Variants in PIK3C2G observed in about 807,000 individuals in gnomAD.
The protein encoded by PIK3C2G is phosphatidylinositol-4-phosphate 3-kinase catalytic subunit type 2 gamma, also known as phosphatidylinositol 3-kinase C2 domain-containing subunit gamma.
PIK3C2G carries 168 observed loss-of-function variants against 181.1 expected under a neutral mutation model. That is an observed-to-expected ratio of 0.93 (90% CI 0.82 to 1.05). PIK3C2G has a LOEUF of 1.05. Ranked by LOEUF, PIK3C2G falls within the 50% of genes least tolerant of loss-of-function variation. PIK3C2G has a pLI of 0.00. For missense variants in PIK3C2G, 1,869 were observed against 1,732.8 expected (o/e 1.08, Z -1.40); for synonymous variants, 573 against 592.2 (o/e 0.97, Z 0.47).
chr12:18,559,395 A>T (rs537753095), intron 26 of PIK3C2G, among the ~76,000 whole-genome samples: 5 of 152,168 alleles, frequency 3.3e-5, no homozygotes, highest in African/African-American at 9.6e-5. Context: ...GAGCATTTGG[A>T]CAGAAGGAAG....
intron 18 of PIK3C2G, among the ~76,000 whole-genome samples, chr12:18,445,201 T>C (rs1421841672): frequency 4.6e-5 from 7 of 152,096 alleles, no homozygotes; most frequent in African/African-American, 1.4e-4. Context: ...AAATACTTTT[T>C]AATAAATAGG....
intron 1 of PIK3C2G, among the ~76,000 whole-genome samples, chr12:18,264,931 G>A (rs1450198900): frequency 6.6e-6 from 1 of 152,040 alleles, no homozygotes; most frequent in South Asian, 2.1e-4. Flanking sequence ...AGCCTGCATG[G>A]GGCATCTGAA....
intron 16 of PIK3C2G, among the ~76,000 whole-genome samples, chr12:18,402,362 G>T (rs1461354421): frequency 6.6e-6 from 1 of 152,074 alleles, no homozygotes; most frequent in African/African-American, 2.4e-5. Flanking sequence ...CAGTAACCCA[G>T]AGCGAGGGCA....
At position 18,353,104 on chromosome 12, in the gene PIK3C2G, T is replaced by C. The variant is rs553441322; in HGVS notation, c.1625+6268T>C. Among the ~76,000 whole-genome samples, 602 of 152,264 alleles carry C rather than the reference T, an allele frequency of 4.0e-3. 1 individual carries two copies. Among genetic ancestry groups the C allele is most frequent in the African/African-American group, 0.014 (566 of 41,564 alleles). On this transcript the variant is annotated intron_variant, in intron 11 of 32. Transcript: ENST00000538779. ...TTTCCTGCCTCCTGTCCATATCACTTCCCTGCTCTGAAGAGGCACATCTTA... is the reference window on the plus strand; with the variant it reads ...TTTCCTGCCTCCTGTCCATATCACTCCCCTGCTCTGAAGAGGCACATCTTA...
At chr12:18,340,740 A>C (rs1939059097) in intron 9 of PIK3C2G, among the ~76,000 whole-genome samples, 1 of 152,182 alleles carries the variant, frequency 6.6e-6, no homozygotes, top group African/African-American at 2.4e-5. Context: ...CAGAAAAATA[A>C]AATAATTTCC....
rs144043026 is a variant in PIK3C2G, at chr12:18,642,406, A to C, written c.4308+1852A>C. The stretch of plus-strand genomic sequence containing the variant: ...TGAATTTCTTTTGCACGTTTGTCAA[A>C]AATCACTTGGGAATATTTGTGTTCT... On this transcript the variant is annotated intron_variant, in intron 32 of 32. Transcript: ENST00000538779. 3.7e-3 allele frequency among the ~76,000 whole-genome samples: 569 copies of C among 152,290 alleles called. 5 individuals carry two copies. Among genetic ancestry groups the C allele is most frequent in the African/African-American group, 0.013 (549 of 41,570 alleles).
the PIK3C2G span, chr12:18,683,360 C>A: frequency 6.3e-7 from 1 of 1,594,250 alleles, no homozygotes; most frequent in Admixed American, 1.7e-5. Flanking sequence ...GACCAATAAC[C>A]AATTAATCAG....
chr12:18,517,353 T>C (rs371818605), intron 24 of PIK3C2G, among the ~76,000 whole-genome samples: 2 of 152,230 alleles, frequency 1.3e-5, no homozygotes, highest in South Asian at 2.1e-4. Context: ...ATTGATTCTT[T>C]CTATCCATGA....
intron 31 of PIK3C2G, among the ~76,000 whole-genome samples, chr12:18,626,068 G>T (rs572826649): frequency 6.6e-6 from 1 of 150,482 alleles, no homozygotes; most frequent in African/African-American, 2.4e-5. Flanking sequence ...GTTACTAACT[G>T]TATTGTTTTA....
the PIK3C2G span, among the ~76,000 whole-genome samples, chr12:18,724,644 G>A: frequency 0.21 from 31,513 of 151,760 alleles, 3,513 homozygotes; most frequent in East Asian, 0.32. Context: ...TAATTCATGC[G>A]TATTGTTCAT....
intron 1 of PIK3C2G, among the ~76,000 whole-genome samples, chr12:18,252,222 C>A (rs1250633743): frequency 7.9e-5 from 12 of 152,080 alleles, no homozygotes; most frequent in Admixed American, 7.9e-4. Flanking sequence ...CGGTGCAAAT[C>A]CTTGACACAA....
intron 24 of PIK3C2G, among the ~76,000 whole-genome samples, chr12:18,510,782 A>G (rs1481705188): frequency 1.3e-5 from 2 of 152,188 alleles, no homozygotes; most frequent in East Asian, 3.8e-4. Context: ...TATGGGATAC[A>G]ATGTGACGAA....
At position 18,399,841 on chromosome 12, in the gene PIK3C2G, C is replaced by G. The variant is rs746323681; in HGVS notation, c.2309C>G (p.Thr770Ser). The G allele has an allele frequency of 6.4e-7, 1 of 1,569,642 alleles. No individual in the cohort carries two copies. Among genetic ancestry groups the G allele is most frequent in the South Asian group, 1.2e-5 (1 of 85,346 alleles). ...CCTTTAGAGGCTCTTGGGCTTTTGA[C>G]TTCCAGGTAAGAATTGCATAACAAG... ...SQPLEALGLLTSSFPDQEIRK... is the reference protein window; with the variant it reads ...SQPLEALGLLSSSFPDQEIRK... The change falls in exon 16 of 33, where the codon ACT becomes AGT. Residue 770 changes from threonine (T) to serine (S), a missense_variant. Coordinates refer to ENST00000538779, the MANE Select transcript of PIK3C2G (RefSeq NM_001288772.2).
chr12:18,712,580 T>C, the PIK3C2G span, among the ~76,000 whole-genome samples: 1 of 152,132 alleles, frequency 6.6e-6, no homozygotes, highest in Non-Finnish European at 1.5e-5. Flanking sequence ...ATAATAAATA[T>C]ATTTTACCTT....
chr12:18,575,717 G>A (rs1196355737), intron 29 of PIK3C2G, among the ~76,000 whole-genome samples: 3 of 152,112 alleles, frequency 2.0e-5, no homozygotes, highest in African/African-American at 7.2e-5. Flanking sequence ...ACTGGAAATC[G>A]GGAAAAGTCG....
At chr12:18,453,230 G>T (rs994732184) in intron 18 of PIK3C2G, among the ~76,000 whole-genome samples, 2 of 151,334 alleles carry the variant, frequency 1.3e-5, no homozygotes, top group African/African-American at 4.9e-5. Context: ...TATTATTCTG[G>T]GTGCTCCTGT....
chr12:18,618,105 CT>C (rs908468214), intron 31 of PIK3C2G, among the ~76,000 whole-genome samples: 15 of 149,800 alleles, frequency 1.0e-4, no homozygotes, highest in East Asian at 1.9e-4. Context: ...GTTTTCTCTA[CT>C]TTTTTTTTTC....
the PIK3C2G span, among the ~76,000 whole-genome samples, chr12:18,687,715 T>C: frequency 6.6e-6 from 1 of 152,058 alleles, no homozygotes; most frequent in African/African-American, 2.4e-5. Flanking sequence ...TATAAAAATA[T>C]ATAATATGCT....
intron 11 of PIK3C2G, among the ~76,000 whole-genome samples, chr12:18,357,964 T>TG (rs1940898606): frequency 6.6e-6 from 1 of 152,242 alleles, no homozygotes; most frequent in East Asian, 1.9e-4. Flanking sequence ...TATCATTGTA[T>TG]GTATATACCA....
Sources: gnomAD v4.1 joint callset for allele counts (sites outside exome capture counted in the v4.1 genomes callset) on GRCh38, gnomAD v4.1.1 for gene constraint, MANE v1.5 for transcripts, NCBI Gene and HGNC (gene_info 2026-07-23, HGNC 2026-07-21) for gene names.